Variants in BCOR observed in about 807,000 individuals in gnomAD.
BCOR encodes BCL6 corepressor.
Under a neutral mutation model 86.7 loss-of-function variants are expected in BCOR, and 10 were observed. The ratio of observed to expected loss-of-function variants is 0.12; its 90% CI spans 0.07 to 0.20. BCOR has a LOEUF of 0.20. Ranked by LOEUF, BCOR falls within the 10% of genes least tolerant of loss-of-function variation. The probability of loss-of-function intolerance (pLI) is 1.00; values close to 1 mark genes in which losing one functional copy is unlikely to be tolerated. For synonymous variants in BCOR, 611 were observed against 609.0 expected, an observed-to-expected ratio of 1.00 and a Z score of -0.05; for missense variants, 1,259 against 1,452.1, an observed-to-expected ratio of 0.87 and a Z score of 2.16.
chrX:40,093,125 G>A (rs1259700645), intron 1 of BCOR, among the ~76,000 whole-genome samples: 2 of 112,144 alleles, frequency 1.8e-5, no homozygotes, highest in Admixed American at 9.4e-5. Context: ...TCAGAATATC[G>A]CTATACATCT....
chrX:40,061,494 T>A (rs1189470523), intron 10 of BCOR, among the ~76,000 whole-genome samples: 1 of 111,572 alleles, frequency 9.0e-6, no homozygotes, highest in Non-Finnish European at 1.9e-5. Flanking sequence ...CTTTGGATCT[T>A]AGGGGCTCCG....
At chrX:40,052,471 C>T in intron 14 of BCOR, 71 bp from the exon 15 acceptor site, 1 of 1,042,754 alleles carries the variant, frequency 9.6e-7, no homozygotes. Flanking sequence ...TTAATATTAA[C>T]TACCAACCCA....
chrX:40,152,011 G>A (rs1938177314), intron 1 of BCOR, among the ~76,000 whole-genome samples: 1 of 111,927 alleles, frequency 8.9e-6, no homozygotes, highest in Admixed American at 9.3e-5. Context: ...AGGCAGCGCT[G>A]CGCCGACGAG....
At chrX:40,105,619 C>G in intron 1 of BCOR, among the ~76,000 whole-genome samples, 1 of 112,988 alleles carries the variant, frequency 8.9e-6, no homozygotes, top group Middle Eastern at 4.6e-3. Context: ...GCCGCCACTC[C>G]GGCCGGGCAG....
chrX:40,098,626 C>G (rs992424098), upstream of BCOR, among the ~76,000 whole-genome samples: 3 of 112,176 alleles, frequency 2.7e-5, no homozygotes, highest in Non-Finnish European at 5.7e-5. Flanking sequence ...CCGCCTCTTG[C>G]CACCAGCGCT....
intron 1 of BCOR, among the ~76,000 whole-genome samples, chrX:40,156,457 T>C (rs1938297620): frequency 8.9e-6 from 1 of 112,619 alleles, no homozygotes; most frequent in African/African-American, 3.2e-5. Context: ...GCAGAGCCAC[T>C]CTTCCCCTGC....
upstream of BCOR, among the ~76,000 whole-genome samples, chrX:40,098,416 C>T (rs1200049522): frequency 9.0e-6 from 1 of 110,926 alleles, no homozygotes; most frequent in Non-Finnish European, 1.9e-5. Context: ...AGCCGGAGAC[C>T]GACTTGGGCG....
chrX:40,103,844 G>A (rs1277864838), intron 1 of BCOR, among the ~76,000 whole-genome samples: 1 of 111,852 alleles, frequency 8.9e-6, no homozygotes, highest in Non-Finnish European at 1.9e-5. Context: ...GGGGCAAAGC[G>A]GCTGCTTACA....
chrX:40,173,371 A>G (rs1938672504), intron 1 of BCOR, among the ~76,000 whole-genome samples: 1 of 112,190 alleles, frequency 8.9e-6, no homozygotes, highest in African/African-American at 3.2e-5. Context: ...CTCCATACAT[A>G]AGGTGCTTAG....
At chrX:40,160,949 A>G (rs1938404264) in intron 1 of BCOR, among the ~76,000 whole-genome samples, 1 of 105,702 alleles carries the variant, frequency 9.5e-6, no homozygotes, top group Admixed American at 1.0e-4. Context: ...TGTTGGGATT[A>G]CAGGCGTGAG....
rs773106597 is a variant in BCOR, at chrX:40,062,755, G to A, written c.4164C>T (p.Ala1388=). ...CGGGGTCAAGAGGTACCTTGCCATC[G>A]GCATTCTCCACGTAGTATTCCCCTG... The part of the protein sequence containing the change: ...PLTGEYYVEN[A]DGKVTVRRFR... Residue 1388 remains alanine, a synonymous_variant, in exon 9 of 15, where the codon GCC becomes GCT. Coordinates refer to ENST00000378444, the MANE Select transcript of BCOR (RefSeq NM_001123385.2). The A allele has an allele frequency of 1.3e-5, 16 of 1,208,222 alleles. No individual in the cohort carries two copies. The highest frequency in any genetic ancestry group is 6.6e-5 in the Admixed American group (3 of 45,727).
In BCOR at chrX:40,073,799, G is replaced by C; in HGVS notation, c.1547C>G (p.Pro516Arg). ...GCTTTTGCCATTGTTCTCTTCGTTA[G>C]GACTTGGCCCGGGCACCACCCAGGA... ...PSSWVVPGPSPNEENNGKSMS... is the reference protein window; with the variant it reads ...PSSWVVPGPSRNEENNGKSMS... The change falls in exon 4 of 15, where the codon CCT becomes CGT. Residue 516 changes from proline to arginine, a missense_variant. Around this residue, in one of 7 missense-constraint regions of BCOR, gnomAD observed 534 missense variants for 594.8 expected, o/e 0.90. Transcript: ENST00000378444. 1.6e-6 allele frequency: 2 copies of C among 1,212,509 alleles called. No homozygotes were observed. The highest frequency in any genetic ancestry group is 2.2e-6 in the Non-Finnish European group (2 of 895,679).
rs1177347861 is a variant in BCOR at position 40,052,295 on chromosome X, C to G, written c.5082G>C (p.Glu1694Asp). The change falls in exon 15 of 15, where the codon GAG becomes GAC. Residue 1694 changes from glutamate to aspartate, a missense_variant. Glu to Asp is a conservative substitution (Grantham distance 45). Around this residue, in one of 7 missense-constraint regions of BCOR, gnomAD observed 137 missense variants for 149.8 expected, o/e 0.91. Transcript: ENST00000378444. ...FPNVEIVTIA[E>D]AEFYRQVSAS... The stretch of plus-strand genomic sequence containing the variant: ...CAGAAACCTGCCGATAAAATTCTGC[C>G]TCTGCAATGGTGACAATTTCCACGT... The G allele has an allele frequency of 8.3e-7, 1 of 1,210,601 alleles. No homozygotes were observed. The highest frequency in any genetic ancestry group is 3.0e-5 in the East Asian group (1 of 33,815).
intron 6 of BCOR, 57 bp downstream of exon 6, chrX:40,070,916 A>G: frequency 8.9e-7 from 1 of 1,128,731 alleles, no homozygotes; most frequent in South Asian, 1.8e-5. Flanking sequence ...CCATTTCTCC[A>G]AGCAGATGCC....
chrX:40,080,270 C>T (rs914458788), intron 1 of BCOR, among the ~76,000 whole-genome samples: 4 of 108,397 alleles, frequency 3.7e-5, no homozygotes, highest in African/African-American at 1.0e-4. Flanking sequence ...GGAGAAACCC[C>T]GTCTCTACTA....
chrX:40,103,945 AAAG>A lies in BCOR; in HGVS notation c.-40-25979_-40-25977del, dbSNP rs1273161516. Among the ~76,000 whole-genome samples the A allele has an allele frequency of 2.7e-5, 3 of 111,812 alleles. No individual in the cohort carries two copies. The Admixed American group carries it at 2.8e-4, about 11-fold the overall frequency. On this transcript the variant is annotated intron_variant, in intron 1 of 14. Transcript: ENST00000342274. ...ATCAAAAAAGAAAAAGAGAAAAAGA[AAAG>A]AAAGAAAGATTTTCATTTGGAAGTG...
chrX:40,121,648 G>A (rs907976397), intron 1 of BCOR, among the ~76,000 whole-genome samples: 7 of 113,088 alleles, frequency 6.2e-5, no homozygotes, highest in African/African-American at 2.2e-4. Context: ...CCACACAGAA[G>A]ATGAAACAGA....
At chrX:40,081,193 G>A (rs923285709) in intron 1 of BCOR, among the ~76,000 whole-genome samples, 1 of 111,415 alleles carries the variant, frequency 9.0e-6, no homozygotes, top group African/African-American at 3.3e-5. Flanking sequence ...TGGCTCACAG[G>A]AGGCCCTCCT....
chrX:40,155,708 C>T (rs1938277826), intron 1 of BCOR, among the ~76,000 whole-genome samples: 1 of 112,809 alleles, frequency 8.9e-6, no homozygotes, highest in African/African-American at 3.2e-5. Context: ...ACGCTGCTGC[C>T]GCCGCCGCTA....
Sources: allele counts gnomAD v4.1 joint callset (sites outside exome capture counted in the v4.1 genomes callset), GRCh38; gene constraint gnomAD v4.1.1; regional missense constraint gnomAD v4.1.1; transcripts MANE v1.5; gene names NCBI Gene and HGNC (gene_info 2026-07-23, HGNC 2026-07-21).